The following ARID5B variants were observed in gnomAD, a reference collection of about 807,000 sequenced individuals.
The protein encoded by ARID5B is AT-rich interaction domain 5B.
Under a neutral mutation model 97.2 loss-of-function variants are expected in ARID5B, and 13 were observed. The observed-to-expected ratio is 0.13, with a 90% CI of 0.09 to 0.21. The LOEUF (loss-of-function observed/expected upper bound fraction) is 0.21, where lower values mean the gene tolerates loss of function less well. Ranked by LOEUF, ARID5B falls within the 10% of genes least tolerant of loss-of-function variation. ARID5B has a pLI of 1.00. For missense variants in ARID5B, 1,210 were observed against 1,465.3 expected, an observed-to-expected ratio of 0.83 and a Z score of 2.84; for synonymous variants, 556 against 570.3, an observed-to-expected ratio of 0.97 and a Z score of 0.36.
At chr10:62,027,068 A>T (rs1171231299) in intron 4 of ARID5B, among the ~76,000 whole-genome samples, 3 of 152,154 alleles carry the variant, frequency 2.0e-5, no homozygotes, top group Non-Finnish European at 4.4e-5. Context: ...GGCTCTTGAC[A>T]GGACGGGCAG....
chr10:62,089,194 G>A (rs1840333165), intron 9 of ARID5B, among the ~76,000 whole-genome samples: 1 of 152,112 alleles, frequency 6.6e-6, no homozygotes, highest in African/African-American at 2.4e-5. Flanking sequence ...AGACCAATGT[G>A]ATGATTATTA....
At chr10:62,079,452 A>C (rs1385935524) in intron 8 of ARID5B, among the ~76,000 whole-genome samples, 1 of 152,208 alleles carries the variant, frequency 6.6e-6, no homozygotes, top group Non-Finnish European at 1.5e-5. Context: ...TAAGAATGTA[A>C]TGCGTGGTGG....
chr10:61,944,244 G>A (rs931809666), intron 3 of ARID5B, among the ~76,000 whole-genome samples: 3 of 151,938 alleles, frequency 2.0e-5, no homozygotes, highest in African/African-American at 4.8e-5. Flanking sequence ...TTATTCATAA[G>A]CATAATGAAC....
intron 7 of ARID5B, among the ~76,000 whole-genome samples, chr10:62,067,271 C>T (rs1416939054): frequency 3.3e-5 from 5 of 152,068 alleles, no homozygotes; most frequent in African/African-American, 4.8e-5. Flanking sequence ...TTAGTAGAGA[C>T]GGGGTTTCTC....
At chr10:62,003,074 T>A (rs1438350586) in intron 4 of ARID5B, among the ~76,000 whole-genome samples, 3 of 152,224 alleles carry the variant, frequency 2.0e-5, no homozygotes, top group Non-Finnish European at 2.9e-5. Context: ...CACTGTTTGC[T>A]TTCCTATGAT....
intron 7 of ARID5B, among the ~76,000 whole-genome samples, chr10:62,060,652 A>G (rs2132943124): frequency 6.6e-6 from 1 of 152,306 alleles, no homozygotes; most frequent in South Asian, 2.1e-4. Flanking sequence ...CATGTAAAAA[A>G]AAATGGTAAC....
intron 3 of ARID5B, among the ~76,000 whole-genome samples, chr10:61,945,106 G>A (rs1432096937): frequency 2.6e-5 from 4 of 152,264 alleles, no homozygotes; most frequent in Non-Finnish European, 4.4e-5. Flanking sequence ...GAGAATCTTG[G>A]CTCTACATGT....
chr10:61,957,066 T>C (rs867094053), intron 3 of ARID5B, among the ~76,000 whole-genome samples: 7 of 152,194 alleles, frequency 4.6e-5, no homozygotes, highest in South Asian at 2.1e-4. Flanking sequence ...ACTTACTATG[T>C]GCATTTTAGT....
At chr10:62,021,233 T>G (rs1465258268) in intron 4 of ARID5B, among the ~76,000 whole-genome samples, 8 of 151,980 alleles carry the variant, frequency 5.3e-5, no homozygotes, top group African/African-American at 9.7e-5. Flanking sequence ...AAATTGTTTT[T>G]AGCTGCACAT....
chr10:62,075,936 C>T (rs1016503091), intron 8 of ARID5B, among the ~76,000 whole-genome samples: 4 of 152,168 alleles, frequency 2.6e-5, no homozygotes, highest in South Asian at 2.1e-4. Flanking sequence ...AAAACCCAAT[C>T]GGTGTTTTTT....
intron 2 of ARID5B, among the ~76,000 whole-genome samples, chr10:61,907,486 G>T (rs1843726625): frequency 6.6e-6 from 1 of 152,172 alleles, no homozygotes; most frequent in Admixed American, 6.5e-5. Flanking sequence ...CCTCAACTGT[G>T]CTGGGAATCA....
intron 2 of ARID5B, among the ~76,000 whole-genome samples, chr10:61,929,845 T>C (rs1844172930): frequency 6.6e-6 from 1 of 152,172 alleles, no homozygotes; most frequent in Non-Finnish European, 1.5e-5. Context: ...AATTTAGCAG[T>C]TTATTATTAG....
At chr10:62,042,914 CAAAAA>C (rs34887438) in intron 4 of ARID5B, among the ~76,000 whole-genome samples, 6 of 121,296 alleles carry the variant, frequency 4.9e-5, no homozygotes, top group East Asian at 2.5e-4. Context: ...GAGTCTGTCC[CAAAAA>C]AAAAAAAAAA....
At chr10:61,999,259 G>T (rs1204632680) in intron 3 of ARID5B, among the ~76,000 whole-genome samples, 1 of 152,170 alleles carries the variant, frequency 6.6e-6, no homozygotes, top group Non-Finnish European at 1.5e-5. Flanking sequence ...CTTTTCAGAG[G>T]CTCCAAGCAC....
intron 3 of ARID5B, among the ~76,000 whole-genome samples, chr10:61,966,547 G>A (rs1275971501): frequency 6.6e-6 from 1 of 151,456 alleles, no homozygotes; most frequent in African/African-American, 2.4e-5. Flanking sequence ...CACATGCTCT[G>A]AATTTTAGAA....
intron 8 of ARID5B, among the ~76,000 whole-genome samples, chr10:62,077,362 T>C (rs1259947062): frequency 6.6e-6 from 1 of 152,078 alleles, no homozygotes; most frequent in Non-Finnish European, 1.5e-5. Flanking sequence ...ACAACAGCCT[T>C]TGAAAAAAAT....
chr10:61,954,225 C>T (rs796670035), intron 3 of ARID5B, among the ~76,000 whole-genome samples: 12 of 151,740 alleles, frequency 7.9e-5, no homozygotes, highest in African/African-American at 2.2e-4. Context: ...GGCATGGTGG[C>T]GCGTGCCTGT....
chr10:61,915,424 T>A (rs1299915974), intron 2 of ARID5B, among the ~76,000 whole-genome samples: 1 of 152,148 alleles, frequency 6.6e-6, no homozygotes, highest in Non-Finnish European at 1.5e-5. Context: ...TCAGGAGGCA[T>A]TTTAGAAGAA....
At chr10:62,026,509 C>T (rs1363962241) in intron 4 of ARID5B, among the ~76,000 whole-genome samples, 7 of 152,164 alleles carry the variant, frequency 4.6e-5, no homozygotes, top group Non-Finnish European at 7.3e-5. Flanking sequence ...TATTTAAGTA[C>T]TCCAATAGAG....
Sources: gnomAD v4.1 joint callset for allele counts (sites outside exome capture counted in the v4.1 genomes callset) on GRCh38, gnomAD v4.1.1 for gene constraint, MANE v1.5 for transcripts, NCBI Gene and HGNC (gene_info 2026-07-23, HGNC 2026-07-21) for gene names.